MYO1E: variants seen among roughly 807,000 people sequenced by gnomAD.
MYO1E encodes the protein myosin IE.
Under a neutral mutation model 151.1 loss-of-function variants are expected in MYO1E, and 68 were observed. That is an observed-to-expected ratio of 0.45 (90% CI 0.37 to 0.55). The LOEUF is 0.55. Among genes scored for constraint, MYO1E ranks in the 20% least tolerant of loss-of-function variants. The pLI is 0.00. For synonymous variants in MYO1E, 601 were observed against 501.7 expected (o/e 1.20, Z -2.64); for missense variants, 1,363 against 1,389.3 (o/e 0.98, Z 0.30).
chr15:59,330,289 T>C (rs74017736), intron 1 of MYO1E, among the ~76,000 whole-genome samples: 1 of 152,172 alleles, frequency 6.6e-6, no homozygotes. Context: ...AGGTACCTAA[T>C]GTTGACTTCA....
intron 18 of MYO1E, among the ~76,000 whole-genome samples, chr15:59,183,679 T>C (rs2140322917): frequency 6.6e-6 from 1 of 152,370 alleles, no homozygotes; most frequent in Middle Eastern, 3.4e-3. Flanking sequence ...TTGTGTTATA[T>C]GAAATCCAAC....
chr15:59,213,639 T>C (rs1469561191), intron 12 of MYO1E, among the ~76,000 whole-genome samples: 3 of 151,272 alleles, frequency 2.0e-5, no homozygotes, highest in African/African-American at 7.3e-5. Flanking sequence ...TTTTATTTTT[T>C]TTGTATGGAT....
chr15:59,270,450 G>A (rs777821821), intron 2 of MYO1E, among the ~76,000 whole-genome samples: 1 of 151,344 alleles, frequency 6.6e-6, no homozygotes, highest in Non-Finnish European at 1.5e-5. Flanking sequence ...GGCTGAGGTG[G>A]GAAGATCACC....
In MYO1E at chr15:59,372,598, C is replaced by T. The variant is rs2080954642; in HGVS notation, c.-98G>A. On this transcript the variant is annotated 5_prime_UTR_variant, in exon 1 of 28. Coordinates refer to ENST00000288235, the MANE Select transcript of MYO1E (RefSeq NM_004998.4). ...GGGCGAACTTCAAAAGTTGGTTCCC[C>T]TCGCCAAAAACAGGCTCCCGACACC... 6.8e-7 allele frequency: 1 copy of T among 1,473,870 alleles called. No homozygotes were observed. Among genetic ancestry groups the T allele is most frequent in the Non-Finnish European group, 9.1e-7 (1 of 1,098,068 alleles). 91.3% of individuals were successfully genotyped at this position (1,473,870 alleles called of 1,614,324 possible). A position where few individuals can be genotyped will look rare whatever the true frequency, so the allele number is the denominator to read the frequency against.
intron 1 of MYO1E, among the ~76,000 whole-genome samples, chr15:59,361,867 G>T (rs1967039): frequency 3.3e-5 from 5 of 152,072 alleles, no homozygotes; most frequent in Non-Finnish European, 5.9e-5. Flanking sequence ...GATGGAGTCT[G>T]GCTGTATCGC....
At chr15:59,188,089 A>T (rs181604399) in intron 18 of MYO1E, 29 bp downstream of exon 18, 97 of 1,525,314 alleles carry the variant, frequency 6.4e-5, no homozygotes, top group Non-Finnish European at 8.4e-5. Flanking sequence ...AACCTGTTTT[A>T]AAAAAGGCCA....
intron 4 of MYO1E, among the ~76,000 whole-genome samples, chr15:59,239,171 A>C (rs1566989114): frequency 6.6e-6 from 1 of 150,904 alleles, no homozygotes; most frequent in Non-Finnish European, 1.5e-5. Context: ...GTGCCACTGC[A>C]CTCCATCCTG....
chr15:59,352,823 A>G (rs2080830849), intron 1 of MYO1E, among the ~76,000 whole-genome samples: 1 of 152,234 alleles, frequency 6.6e-6, no homozygotes. Flanking sequence ...ATTACCAAGA[A>G]AGCAAAGCAC....
chr15:59,180,323 G>A (rs1286424113), intron 18 of MYO1E, among the ~76,000 whole-genome samples: 2 of 152,168 alleles, frequency 1.3e-5, no homozygotes, highest in South Asian at 2.1e-4. Context: ...GTGAAAATGA[G>A]TAGGTGCTAG....
chr15:59,173,644 A>G, intron 21 of MYO1E, 102 bp downstream of exon 21: 1 of 1,458,100 alleles, frequency 6.9e-7, no homozygotes, highest in Non-Finnish European at 9.6e-7. Context: ...TTTTTCTACA[A>G]CGAACACATT....
rs1269163565 is a variant in MYO1E at position 59,137,099 on chromosome 15, T to A, written c.*281A>T. 4.3e-6 allele frequency: 2 copies of A among 470,254 alleles called. No individual in the cohort carries two copies. Among genetic ancestry groups the A allele is most frequent in the Non-Finnish European group, 7.9e-6 (2 of 254,070 alleles). The allele number at this position is 470,254 out of a possible 1,614,324, so 29.1% of individuals were successfully genotyped here. A position where few individuals can be genotyped will look rare whatever the true frequency, so the allele number is the denominator to read the frequency against. On this transcript the variant is annotated 3_prime_UTR_variant, in exon 28 of 28. Coordinates refer to ENST00000288235, the MANE Select transcript of MYO1E (RefSeq NM_004998.4). ...ACAAGGTCTGAGCAGACCTCACTTG[T>A]CCTCTCACCAGGTTTAAATACAATA... is the stretch of plus-strand genomic sequence containing the variant.
At chr15:59,262,500 T>A (rs1020883700) in intron 2 of MYO1E, among the ~76,000 whole-genome samples, 2 of 151,922 alleles carry the variant, frequency 1.3e-5, no homozygotes, top group South Asian at 2.1e-4. Context: ...TGGGGGCGTG[T>A]GCCTGCAGTC....
intron 1 of MYO1E, among the ~76,000 whole-genome samples, chr15:59,308,744 CAGA>C (rs55775245): frequency 0.67 from 99,968 of 148,298 alleles, 34,301 homozygotes; most frequent in East Asian, 0.87. Flanking sequence ...GAGGCTGAGG[CAGA>C]AGAATTGCTT....
At chr15:59,175,303 A>G (rs1347215816) in intron 19 of MYO1E, among the ~76,000 whole-genome samples, 1 of 152,208 alleles carries the variant, frequency 6.6e-6, no homozygotes, top group African/African-American at 2.4e-5. Context: ...GGAAAAAAAT[A>G]AAATCAACCA....
At chr15:59,151,016 C>CGG (rs2079473072) in intron 26 of MYO1E, among the ~76,000 whole-genome samples, 5 of 10,092 alleles carry the variant, frequency 5.0e-4, no homozygotes, top group African/African-American at 1.7e-3. Flanking sequence ...GAGGGACACA[C>CGG]ACACACACAC....
intron 1 of MYO1E, among the ~76,000 whole-genome samples, chr15:59,327,375 G>T (rs1397939156): frequency 6.6e-6 from 1 of 151,656 alleles, no homozygotes; most frequent in African/African-American, 2.4e-5. Context: ...CACCCAGGCT[G>T]GAGTGCAGTG....
rs374279523 is a variant in MYO1E, at chr15:59,231,802, A to G, written c.421-11T>C. 2.5e-6 allele frequency: 4 copies of G among 1,613,900 alleles called. No homozygotes were observed. The highest frequency in any genetic ancestry group is 1.6e-4 in the Middle Eastern group (1 of 6,084). ...AATGTCCTTCACGTGCTGTCCCAGC[A>G]AATAGACCGGAGGTTAGGAAGGTGT... On this transcript the variant is annotated splice_polypyrimidine_tract_variant and intron_variant, in intron 5 of 27. Transcript: ENST00000288235.
At chr15:59,366,448 T>C (rs1017121313) in intron 1 of MYO1E, among the ~76,000 whole-genome samples, 3 of 152,124 alleles carry the variant, frequency 2.0e-5, no homozygotes, top group Non-Finnish European at 2.9e-5. Context: ...ACACCACACG[T>C]GGCTAATTTT....
chr15:59,213,150 T>A (rs1386752714), intron 12 of MYO1E, among the ~76,000 whole-genome samples: 4 of 140,406 alleles, frequency 2.8e-5, no homozygotes, highest in African/African-American at 7.8e-5. Context: ...TTATTATTAT[T>A]ATTATTATTA....
Sources: allele counts gnomAD v4.1 joint callset (sites outside exome capture counted in the v4.1 genomes callset), GRCh38; gene constraint gnomAD v4.1.1; transcripts MANE v1.5; gene names NCBI Gene and HGNC (gene_info 2026-07-23, HGNC 2026-07-21).